SPTBN1: variants seen among roughly 807,000 people sequenced by gnomAD.
The protein encoded by SPTBN1 is spectrin beta chain, non-erythrocytic 1.
A neutral mutation model predicts 266.4 loss-of-function variants in SPTBN1; 32 were observed. The observed-to-expected ratio is 0.12, with a 90% CI of 0.09 to 0.16. The LOEUF (loss-of-function observed/expected upper bound fraction) is 0.16, where lower values mean the gene tolerates loss of function less well. Among genes scored for constraint, SPTBN1 ranks in the 10% least tolerant of loss-of-function variants. The pLI is 1.00. For missense variants in SPTBN1, 2,296 were observed against 3,067.1 expected (o/e 0.75, Z 5.94); for synonymous variants, 1,336 against 1,162.2 (o/e 1.15, Z -3.04).
chr2:54,507,798 T>TC lies in SPTBN1; in HGVS notation c.-47-18570dup, dbSNP rs1172172895. On this transcript the variant is annotated intron_variant, in intron 1 of 35. Coordinates refer to ENST00000356805, the MANE Select transcript of SPTBN1 (RefSeq NM_003128.3). ...GCACTCTTCATTTAAAAATATAGAG[T>TC]CCCCTTTTTTTTTTTTTTAGCAGTA... Among the ~76,000 whole-genome samples the TC allele has an allele frequency of 4.1e-3, 499 of 122,160 alleles. 3 individuals are homozygous for TC. The highest frequency in any genetic ancestry group is 0.015 in the African/African-American group (432 of 29,702). 80.1% of individuals were successfully genotyped at this position (122,160 alleles called of 152,430 possible).
intron 2 of SPTBN1, among the ~76,000 whole-genome samples, chr2:54,591,015 GGTGAGCTTT>G (rs1284481914): frequency 6.6e-5 from 10 of 152,274 alleles, no homozygotes; most frequent in Admixed American, 3.9e-4. Flanking sequence ...CCCAAATTGT[GGTGAGCTTT>G]GTTCAAAACA....
chr2:54,603,855 C>G (rs142623432), intron 3 of SPTBN1, among the ~76,000 whole-genome samples: 2 of 152,318 alleles, frequency 1.3e-5, no homozygotes, highest in East Asian at 1.9e-4. Context: ...AAGCAAGTGC[C>G]TGTCACACTG....
intron 2 of SPTBN1, among the ~76,000 whole-genome samples, chr2:54,536,126 A>G (rs1223043679): frequency 1.3e-5 from 2 of 152,184 alleles, no homozygotes; most frequent in African/African-American, 2.4e-5. Context: ...AGATGGTTCT[A>G]TTTGTTGCCG....
chr2:54,659,812 T>A, intron 31 of SPTBN1, 124 bp from the exon 32 acceptor site: 1 of 1,455,058 alleles, frequency 6.9e-7, no homozygotes, highest in Non-Finnish European at 9.1e-7. Flanking sequence ...TTAAAAAGAA[T>A]TAAATTATGT....
At chr2:54,483,836 AC>A (rs2103954098) in intron 1 of SPTBN1, among the ~76,000 whole-genome samples, 1 of 152,140 alleles carries the variant, frequency 6.6e-6, no homozygotes, top group African/African-American at 2.4e-5. Flanking sequence ...CCTGTTGCAG[AC>A]CTTATTGCCT....
intron 35 of SPTBN1, 121 bp downstream of exon 35, chr2:54,667,767 G>C (rs1277814530): frequency 2.3e-6 from 2 of 865,746 alleles, no homozygotes; most frequent in Non-Finnish European, 3.7e-6. Context: ...TCTATCACTG[G>C]GCTCCAGTCA....
Position 54,629,419 on chromosome 2 carries a change from A to G in SPTBN1, c.2285A>G (p.Asp762Gly). ...GATGACATTGATGCCTGGATGCTGG[A>G]CATCCTCAAGATTGTCTCCAGCAGC... The part of the protein sequence containing the change: ...DADDIDAWML[D>G]ILKIVSSSDV... The change falls in exon 14 of 36, where the codon GAC becomes GGC. Residue 762 changes from aspartate to glycine, a missense_variant. By Grantham distance (94) the Asp-to-Gly change is moderately conservative (BLOSUM62 -1). This residue lies in a region of SPTBN1 where 434 missense variants were observed against 573.9 expected (regional missense o/e 0.76). Transcript: ENST00000356805. 6.2e-7 allele frequency: 1 copy of G among 1,614,180 alleles called. No homozygotes were observed. Among genetic ancestry groups the G allele is most frequent in the Middle Eastern group, 1.6e-4 (1 of 6,062 alleles).
intron 1 of SPTBN1, among the ~76,000 whole-genome samples, chr2:54,460,479 T>C (rs1205144313): frequency 6.6e-6 from 1 of 152,160 alleles, no homozygotes; most frequent in Non-Finnish European, 1.5e-5. Flanking sequence ...AAAACAGTCT[T>C]TTTCCCCTCT....
At chr2:54,548,730 A>G (rs1672393175) in intron 2 of SPTBN1, among the ~76,000 whole-genome samples, 1 of 152,140 alleles carries the variant, frequency 6.6e-6, no homozygotes, top group Non-Finnish European at 1.5e-5. Context: ...CATTTTTCTT[A>G]CTATAAATGA....
In SPTBN1 at chr2:54,614,788, G is replaced by C. The variant is rs376878250; in HGVS notation, c.475-1419G>C. Among the ~76,000 whole-genome samples the C allele has an allele frequency of 1.2e-3, 188 of 150,700 alleles. 3 individuals are homozygous for C. The South Asian group carries it at 0.035, about 28-fold the overall frequency. ...ACCGCACTCCAGCCTGGGCGACAGA[G>C]ACTGTCTCAAAAAAAAAAAAAAGTA... is the stretch of plus-strand genomic sequence containing the variant. On this transcript the variant is annotated intron_variant, in intron 4 of 35. Transcript: ENST00000356805.
intron 2 of SPTBN1, among the ~76,000 whole-genome samples, chr2:54,564,497 G>A (rs1048273197): frequency 2.0e-5 from 3 of 152,184 alleles, no homozygotes; most frequent in African/African-American, 7.2e-5. Context: ...CCTGAGAAGA[G>A]TGCTCCGTGC....
chr2:54,650,893 A>G (rs1227518478), intron 26 of SPTBN1, among the ~76,000 whole-genome samples: 3 of 152,184 alleles, frequency 2.0e-5, no homozygotes, highest in Non-Finnish European at 4.4e-5. Context: ...CAGCCTCTAA[A>G]TAGCTTTGGT....
At chr2:54,622,570 A>G in intron 9 of SPTBN1, 83 bp downstream of exon 9, 1 of 1,482,126 alleles carries the variant, frequency 6.7e-7, no homozygotes, top group Non-Finnish European at 9.2e-7. Context: ...TGATTTCTGT[A>G]ATCTCATCTC....
At chr2:54,502,827 A>C (rs140397933) in intron 1 of SPTBN1, among the ~76,000 whole-genome samples, 144 of 152,212 alleles carry the variant, frequency 9.5e-4, no homozygotes, top group African/African-American at 3.2e-3. Flanking sequence ...AGATTGTGTG[A>C]GTGGTGAGCA....
At chr2:54,552,715 A>G (rs1288672492) in intron 2 of SPTBN1, among the ~76,000 whole-genome samples, 2 of 151,414 alleles carry the variant, frequency 1.3e-5, no homozygotes, top group Non-Finnish European at 1.5e-5. Flanking sequence ...TTGGCCTCCC[A>G]AAGTGCTGGG....
chr2:54,503,663 C>G (rs1185478379), intron 1 of SPTBN1, among the ~76,000 whole-genome samples: 1 of 152,202 alleles, frequency 6.6e-6, no homozygotes, highest in East Asian at 1.9e-4. Flanking sequence ...CATACCAACT[C>G]TTTTCGAGTA....
chr2:54,655,227 T>C lies in SPTBN1; in HGVS notation c.5961+19T>C. On this transcript the variant is annotated intron_variant, in intron 28 of 35. Transcript: ENST00000356805. ...TGAGGAGGTAGGTTGCTACTTTGCT[T>C]TGGAGCTGCAGCTGGCGTCAAGATG... 6.2e-7 allele frequency: 1 copy of C among 1,608,756 alleles called. No individual in the cohort carries two copies. The highest frequency in any genetic ancestry group is 8.5e-7 in the Non-Finnish European group (1 of 1,177,364).
intron 1 of SPTBN1, among the ~76,000 whole-genome samples, chr2:54,492,338 GTT>G (rs60145011): frequency 0.2 from 23,562 of 116,810 alleles, 2,522 homozygotes; most frequent in East Asian, 0.34. Flanking sequence ...TTTGTCTGCA[GTT>G]GTTTTTTTGT....
rs146021673 is a variant in SPTBN1, at chr2:54,478,367, C to G, written c.-48+21849C>G. 2.9e-3 allele frequency among the ~76,000 whole-genome samples: 445 copies of G among 152,160 alleles called. 2 individuals carry two copies. Among genetic ancestry groups the G allele is most frequent in the African/African-American group, 0.01 (424 of 41,512 alleles). ...CACTCTTCAAGGACCTGTAGTGGGT[C>G]CCCTGATGGGCCACCCTCTGGACCT... is the stretch of plus-strand genomic sequence containing the variant. On this transcript the variant is annotated intron_variant, in intron 1 of 35. Transcript: ENST00000356805.
Sources: gnomAD v4.1 joint callset for allele counts (sites outside exome capture counted in the v4.1 genomes callset) on GRCh38, gnomAD v4.1.1 for gene constraint, gnomAD v4.1.1 regional missense constraint, MANE v1.5 for transcripts, NCBI Gene and HGNC (gene_info 2026-07-23, HGNC 2026-07-21) for gene names.